Variants in MROH2B observed in about 807,000 individuals in gnomAD.
MROH2B encodes the protein maestro heat-like repeat-containing protein family member 2B.
Under a neutral mutation model 208.6 loss-of-function variants are expected in MROH2B, and 177 were observed. That is an observed-to-expected ratio of 0.85 (90% CI 0.75 to 0.96). MROH2B has a LOEUF of 0.96. MROH2B is among the 40% of genes least tolerant of loss of function. The pLI, the probability that MROH2B is intolerant of heterozygous loss-of-function variation, is 0.00. For missense variants in MROH2B, 2,002 were observed against 1,878.7 expected (o/e 1.07, Z -1.21); for synonymous variants, 728 against 659.0 (o/e 1.10, Z -1.60).
At chr5:41,000,444 T>C in intron 38 of MROH2B, 93 bp from the exon 39 acceptor site, 2 of 1,495,826 alleles carry the variant, frequency 1.3e-6, no homozygotes, top group Non-Finnish European at 1.8e-6. Context: ...AAAGAAGCAC[T>C]AAAAGTCAGT....
At chr5:41,044,398 C>A (rs1743054783) in intron 18 of MROH2B, among the ~76,000 whole-genome samples, 2 of 152,202 alleles carry the variant, frequency 1.3e-5, no homozygotes, top group African/African-American at 4.8e-5. Context: ...TATTTTAAAC[C>A]ACTAGGGGTA....
At chr5:41,055,918 T>TTTCCCTCCTCCCATTCACAA in intron 9 of MROH2B, 63 bp from the exon 10 acceptor site, 1 of 1,152,600 alleles carries the variant, frequency 8.7e-7, no homozygotes, top group Non-Finnish European at 1.3e-6. Flanking sequence ...TACTTGTGAA[T>TTTCCCTCCTCCCATTCACAA]GGGAGGAGGG....
intron 35 of MROH2B, chr5:41,005,128 C>T (rs1741534422): frequency 8.3e-6 from 5 of 603,252 alleles, no homozygotes; most frequent in Non-Finnish European, 1.4e-5. Flanking sequence ...GTGATGTAAA[C>T]CCGGTTACCT....
At chr5:41,000,871 C>G (rs374502867) in intron 37 of MROH2B, 38 bp from the exon 38 acceptor site, 1 of 1,580,720 alleles carries the variant, frequency 6.3e-7, no homozygotes, top group Non-Finnish European at 8.6e-7. Context: ...AATATCCTCT[C>G]AGAGGCCATT....
intron 21 of MROH2B, among the ~76,000 whole-genome samples, chr5:41,038,141 T>G (rs903369576): frequency 6.6e-6 from 1 of 152,162 alleles, no homozygotes; most frequent in Non-Finnish European, 1.5e-5. Flanking sequence ...TTTATTCACT[T>G]AAAATATGTA....
intron 17 of MROH2B, 106 bp downstream of exon 17, chr5:41,047,615 A>T (rs971388073): frequency 7.0e-6 from 7 of 997,920 alleles, no homozygotes; most frequent in Non-Finnish European, 9.1e-6. Flanking sequence ...AGAAAGGAAA[A>T]GGTTGTTTAT....
intron 21 of MROH2B, among the ~76,000 whole-genome samples, chr5:41,036,147 CA>C (rs1742751941): frequency 6.6e-6 from 1 of 152,014 alleles, no homozygotes; most frequent in African/African-American, 2.4e-5. Flanking sequence ...CACACACACA[CA>C]CACACCCCAC....
At chr5:41,038,262 T>C (rs1742825471) in intron 21 of MROH2B, among the ~76,000 whole-genome samples, 1 of 152,120 alleles carries the variant, frequency 6.6e-6, no homozygotes, top group African/African-American at 2.4e-5. Context: ...TACAGGGAAA[T>C]AATGAGCCAG....
Position 41,038,789 on chromosome 5 carries a change from G to T in MROH2B, c.2161C>A (p.Leu721Ile). Reference protein sequence around the residue: ...HAPKKQLLSRLNQDIISQVLS... With the variant: ...HAPKKQLLSRINQDIISQVLS... ...ACTTGGGATATGATATCTTGATTAAGTCTGGAGAGAAGTTGCTTCTTGGGA... is the reference window on the plus strand; with the variant it reads ...ACTTGGGATATGATATCTTGATTAATTCTGGAGAGAAGTTGCTTCTTGGGA... Residue 721 changes from leucine (L) to isoleucine (I), a missense_variant, in exon 21 of 42, where the codon CTT (leucine) becomes ATT (isoleucine). Coordinates refer to ENST00000399564, the MANE Select transcript of MROH2B (RefSeq NM_173489.5). 6.2e-7 allele frequency: 1 copy of T among 1,613,690 alleles called. No homozygotes were observed. Among genetic ancestry groups the T allele is most frequent in the Non-Finnish European group, 8.5e-7 (1 of 1,179,698 alleles).
chr5:41,030,653 C>T (rs1007787000), intron 24 of MROH2B, among the ~76,000 whole-genome samples: 1 of 151,794 alleles, frequency 6.6e-6, no homozygotes, highest in East Asian at 1.9e-4. Flanking sequence ...AAAAAAAGAG[C>T]CCACATAGGG....
Position 41,039,440 on chromosome 5 carries a change from C to G in MROH2B, c.2061+8G>C. Reference sequence around the variant, plus strand: ...TACTGAGAATTTGAAGGAGATGATTCTTCTTACCTTACATCGATTCATGAA... The same window carrying G: ...TACTGAGAATTTGAAGGAGATGATTGTTCTTACCTTACATCGATTCATGAA... On this transcript the variant is annotated splice_region_variant and intron_variant, in intron 20 of 41. Transcript: ENST00000399564. 6.6e-7 allele frequency: 1 copy of G among 1,524,778 alleles called. No homozygotes were observed. The allele number at this position is 1,524,778 out of a possible 1,614,324, so 94.5% of individuals were successfully genotyped here. A position where few individuals can be genotyped will look rare whatever the true frequency, so the allele number is the denominator to read the frequency against.
Position 40,998,170 on chromosome 5 carries a change from A to G in MROH2B, c.4652-12T>C. Reference sequence around the variant, plus strand: ...AAGTGCTTGGAGTCCTGAAATGGCAAGAATAGCAAATAAGTGGAGGAGGAG... The same window carrying G: ...AAGTGCTTGGAGTCCTGAAATGGCAGGAATAGCAAATAAGTGGAGGAGGAG... On this transcript the variant is annotated splice_polypyrimidine_tract_variant and intron_variant, in intron 41 of 41. Coordinates refer to ENST00000399564, the MANE Select transcript of MROH2B (RefSeq NM_173489.5). The G allele has an allele frequency of 6.3e-7, 1 of 1,596,356 alleles. No homozygotes were observed. Among genetic ancestry groups the G allele is most frequent in the Non-Finnish European group, 8.6e-7 (1 of 1,166,162 alleles).
rs1214997899 is a variant in MROH2B, at chr5:41,071,322, T to G, written c.-470A>C. The G allele has an allele frequency of 6.1e-6, 1 of 164,856 alleles. No homozygotes were observed. Among genetic ancestry groups the G allele is most frequent in the East Asian group, 1.7e-4 (1 of 5,988 alleles). The allele number at this position is 164,856 out of a possible 1,614,324, so 10.2% of individuals were successfully genotyped here. A position where few individuals can be genotyped will look rare whatever the true frequency, so the allele number is the denominator to read the frequency against. On this transcript the variant is annotated 5_prime_UTR_variant, in exon 1 of 42. Coordinates refer to ENST00000399564, the MANE Select transcript of MROH2B (RefSeq NM_173489.5). ...TGAACTCGTTGATTGTTACACTTAGTGAAAATCAGTCATATGAACTGAGCA... is the reference window on the plus strand; with the variant it reads ...TGAACTCGTTGATTGTTACACTTAGGGAAAATCAGTCATATGAACTGAGCA...
chr5:41,010,765 A>T (rs1484037939), intron 30 of MROH2B, among the ~76,000 whole-genome samples: 3 of 152,186 alleles, frequency 2.0e-5, no homozygotes, highest in Non-Finnish European at 2.9e-5. Flanking sequence ...ACTGCAGTCC[A>T]TGGAACTGTG....
At chr5:41,008,400 GT>G (rs2111823969) in intron 33 of MROH2B, among the ~76,000 whole-genome samples, 1 of 152,252 alleles carries the variant, frequency 6.6e-6, no homozygotes, top group Non-Finnish European at 1.5e-5. Flanking sequence ...TATTCTTTAA[GT>G]GACTATTCTG....
Position 41,007,377 on chromosome 5 carries a change from T to A in MROH2B, c.3686A>T (p.Asp1229Val). ...EGLAKESDEG[D>V]NLWTLLSSPS... ...ACTGCTGAGTAGAGTCCATAAGTTG[T>A]CCCCCTCATCAGATTCCTTTGCAAG... Residue 1229 changes from aspartate (D) to valine (V), a missense_variant, in exon 34 of 42, where the codon GAC (aspartate) becomes GTC (valine). Asp to Val is a radical substitution (Grantham distance 152). Transcript: ENST00000399564. 1 of 1,550,920 alleles carries A rather than the reference T, an allele frequency of 6.4e-7. No individual in the cohort carries two copies. Among genetic ancestry groups the A allele is most frequent in the Non-Finnish European group, 8.7e-7 (1 of 1,146,104 alleles).
rs151096065 is a variant in MROH2B at position 41,038,860 on chromosome 5, G to T, written c.2090C>A (p.Thr697Asn). The change falls in exon 21 of 42, where the codon ACC becomes AAC. Residue 697 changes from threonine to asparagine, a missense_variant. Physicochemically the swap from Thr to Asn is moderately conservative, Grantham distance 65. Coordinates refer to ENST00000399564, the MANE Select transcript of MROH2B (RefSeq NM_173489.5). ...KSLFSGKKSL[T>N]KTDVMVIYGA... The stretch of plus-strand genomic sequence containing the variant: ...ATAGATGACCATGACATCTGTCTTG[G>T]TCAGGCTCTTTTTCCCAGAAAAAAG... 2,068 of 1,610,494 alleles carry T rather than the reference G, an allele frequency of 1.3e-3. 10 individuals are homozygous for T. In the African/African-American group the frequency reaches 0.015, roughly 12 times the overall value.
chr5:41,006,089 C>T (rs1741581223), intron 34 of MROH2B, among the ~76,000 whole-genome samples: 1 of 151,082 alleles, frequency 6.6e-6, no homozygotes, highest in Non-Finnish European at 1.5e-5. Flanking sequence ...TGAAAGCCCA[C>T]CAAGGCTTAA....
rs777211208 is a variant in MROH2B, at chr5:41,067,172, A to T, written c.137T>A (p.Ile46Asn). 2.6e-6 allele frequency: 4 copies of T among 1,555,800 alleles called. No homozygotes were observed. The highest frequency in any genetic ancestry group is 2.4e-5 in the East Asian group (1 of 42,018). Residue 46 changes from isoleucine (I) to asparagine (N), a missense_variant, in exon 3 of 42, where the codon ATC becomes AAC. By Grantham distance (149) the Ile-to-Asn change is moderately radical (BLOSUM62 -3). Coordinates refer to ENST00000399564, the MANE Select transcript of MROH2B (RefSeq NM_173489.5). ...TCGTTGGACAATTGCATCATCCAAGATGTCAGTATTCTGAATAACAGAAGT... is the reference window on the plus strand; with the variant it reads ...TCGTTGGACAATTGCATCATCCAAGTTGTCAGTATTCTGAATAACAGAAGT... Reference protein sequence around the residue: ...HLTSVIQNTDILDDAIVQRLI... With the variant: ...HLTSVIQNTDNLDDAIVQRLI...
Sources: allele counts gnomAD v4.1 joint callset (sites outside exome capture counted in the v4.1 genomes callset), GRCh38; gene constraint gnomAD v4.1.1; transcripts MANE v1.5; gene names NCBI Gene and HGNC (gene_info 2026-07-23, HGNC 2026-07-21).